LY86: variants seen among roughly 807,000 people sequenced by gnomAD.
LY86 encodes the protein lymphocyte antigen 86, also known as MD-1, RP105-associated.
A neutral mutation model predicts 17.3 loss-of-function variants in LY86; 20 were observed. That is an observed-to-expected ratio of 1.15 (90% CI 0.81 to 1.68). The LOEUF is 1.68. Ranked by LOEUF, LY86 falls within the 40% of genes most tolerant of loss-of-function variation. The pLI is 0.00. For missense variants in LY86, 200 were observed against 191.9 expected (o/e 1.04, Z -0.25); for synonymous variants, 74 against 70.6 (o/e 1.05, Z -0.24).
chr6:6,607,824 C>T (rs1193215728), intron 1 of LY86, among the ~76,000 whole-genome samples: 1 of 151,914 alleles, frequency 6.6e-6, no homozygotes, highest in East Asian at 1.9e-4. Context: ...CGCTTGAACC[C>T]GGGAGGCAAA....
rs116190655 is a variant in LY86 at position 6,596,587 on chromosome 6, C to T, written c.136+7717C>T. On this transcript the variant is annotated intron_variant, in intron 1 of 4. Transcript: ENST00000230568. ...AATTTCAGAGGGATGACTCTGGGCG[C>T]GCAGGATTGAACAGCTAGCTGCCTT... Among the ~76,000 whole-genome samples the T allele has an allele frequency of 4.0e-3, 611 of 152,252 alleles. 3 individuals are homozygous for T. Among genetic ancestry groups the T allele is most frequent in the Non-Finnish European group, 7.1e-3 (482 of 68,018 alleles).
chr6:6,593,191 T>A (rs1760585963), intron 1 of LY86, among the ~76,000 whole-genome samples: 1 of 152,200 alleles, frequency 6.6e-6, no homozygotes. Context: ...TGGGGGAGAA[T>A]CCCTTTCTTT....
At chr6:6,605,358 C>T (rs924388080) in intron 1 of LY86, among the ~76,000 whole-genome samples, 1 of 152,226 alleles carries the variant, frequency 6.6e-6, no homozygotes, top group Non-Finnish European at 1.5e-5. Context: ...GTAGTCAATT[C>T]TAGGCTTGGC....
intron 1 of LY86, among the ~76,000 whole-genome samples, chr6:6,597,565 G>A (rs1236594865): frequency 6.6e-6 from 1 of 152,200 alleles, no homozygotes; most frequent in Non-Finnish European, 1.5e-5. Context: ...TTTGACTGGG[G>A]TTCTAGAGAC....
chr6:6,610,837 A>G (rs1448386795), intron 1 of LY86, among the ~76,000 whole-genome samples: 1 of 152,190 alleles, frequency 6.6e-6, no homozygotes, highest in Non-Finnish European at 1.5e-5. Flanking sequence ...GAAGGTGAGC[A>G]TGTCTGAGCT....
intron 1 of LY86, among the ~76,000 whole-genome samples, chr6:6,600,226 TAGG>T (rs1288369232): frequency 6.6e-6 from 1 of 152,152 alleles, no homozygotes; most frequent in Non-Finnish European, 1.5e-5. Context: ...TCCTCTGTGA[TAGG>T]AGCCTCATTA....
chr6:6,592,701 T>C (rs555402032), intron 1 of LY86, among the ~76,000 whole-genome samples: 10 of 151,666 alleles, frequency 6.6e-5, no homozygotes, highest in Non-Finnish European at 1.2e-4. Context: ...AGGCCAGAGA[T>C]CTCTTTTCAC....
intron 4 of LY86, among the ~76,000 whole-genome samples, chr6:6,651,381 A>G (rs1270150192): frequency 6.6e-6 from 1 of 152,084 alleles, no homozygotes; most frequent in Non-Finnish European, 1.5e-5. Context: ...TCTTGCTACC[A>G]TCTCAGATTC....
At chr6:6,607,773 G>T (rs1334730498) in intron 1 of LY86, among the ~76,000 whole-genome samples, 1 of 151,806 alleles carries the variant, frequency 6.6e-6, no homozygotes, top group Non-Finnish European at 1.5e-5. Flanking sequence ...AGTGGCGGGT[G>T]CCTGTAATCC....
chr6:6,594,505 C>A (rs1272397162), intron 1 of LY86, among the ~76,000 whole-genome samples: 1 of 152,154 alleles, frequency 6.6e-6, no homozygotes, highest in Non-Finnish European at 1.5e-5. Context: ...CAAGGCTCCA[C>A]AGAGCGTTAT....
At chr6:6,599,661 C>T (rs2113085788) in intron 1 of LY86, among the ~76,000 whole-genome samples, 1 of 152,364 alleles carries the variant, frequency 6.6e-6, no homozygotes, top group Non-Finnish European at 1.5e-5. Flanking sequence ...GGTCAGCATT[C>T]TGCCAGTCCC....
chr6:6,612,570 G>C (rs1010155873), intron 1 of LY86, among the ~76,000 whole-genome samples: 2 of 151,822 alleles, frequency 1.3e-5, no homozygotes, highest in African/African-American at 4.8e-5. Flanking sequence ...GTCACTAGTG[G>C]AGCCTGCAGC....
In LY86 at chr6:6,603,422, T is replaced by TA. The variant is rs1161500843; in HGVS notation, c.136+14558dup. The stretch of plus-strand genomic sequence containing the variant: ...TGTATGGGCAGTCTTCTTGTCTACA[T>TA]AAAAAACTTCTGTCATAAAAAAACT... On this transcript the variant is annotated intron_variant, in intron 1 of 4. Coordinates refer to ENST00000230568, the MANE Select transcript of LY86 (RefSeq NM_004271.4). Among the ~76,000 whole-genome samples, 4 of 151,930 alleles carry TA rather than the reference T, an allele frequency of 2.6e-5. No homozygotes were observed. The South Asian group carries it at 6.2e-4, about 24-fold the overall frequency.
intron 1 of LY86, among the ~76,000 whole-genome samples, chr6:6,603,022 A>C (rs1013083923): frequency 2.0e-5 from 3 of 152,172 alleles, no homozygotes; most frequent in African/African-American, 7.2e-5. Flanking sequence ...TCGGAGATCA[A>C]GGTGACAAGA....
At chr6:6,605,400 G>A (rs535450097) in intron 1 of LY86, among the ~76,000 whole-genome samples, 7 of 152,342 alleles carry the variant, frequency 4.6e-5, no homozygotes, top group Admixed American at 1.3e-4. Context: ...ACTCATGTGA[G>A]TACATCGCAA....
At chr6:6,633,318 G>A (rs1473063957) in intron 3 of LY86, among the ~76,000 whole-genome samples, 1 of 152,194 alleles carries the variant, frequency 6.6e-6, no homozygotes, top group Non-Finnish European at 1.5e-5. Context: ...GGCGATTTGG[G>A]TAGAGACTCA....
chr6:6,615,555 C>T (rs1290386791), intron 1 of LY86, among the ~76,000 whole-genome samples: 1 of 152,174 alleles, frequency 6.6e-6, no homozygotes, highest in African/African-American at 2.4e-5. Context: ...AACCCCATCT[C>T]TACTAAAAAT....
chr6:6,636,092 A>G (rs920237410), intron 3 of LY86, among the ~76,000 whole-genome samples: 1 of 152,170 alleles, frequency 6.6e-6, no homozygotes, highest in African/African-American at 2.4e-5. Flanking sequence ...TTCGTACATC[A>G]GGTGGGGAGT....
chr6:6,606,808 C>T (rs572557544), intron 1 of LY86, among the ~76,000 whole-genome samples: 1 of 152,276 alleles, frequency 6.6e-6, no homozygotes, highest in African/African-American at 2.4e-5. Flanking sequence ...ACGCCTCTCC[C>T]TCCACACCAC....
Sources: allele counts gnomAD v4.1 joint callset (sites outside exome capture counted in the v4.1 genomes callset), GRCh38; gene constraint gnomAD v4.1.1; transcripts MANE v1.5; gene names NCBI Gene and HGNC (gene_info 2026-07-23, HGNC 2026-07-21).